Variants in TG observed in about 807,000 individuals in gnomAD.
TG encodes thyroglobulin.
A neutral mutation model predicts 324.7 loss-of-function variants in TG; 270 were observed. The observed-to-expected ratio is 0.83, with a 90% CI of 0.75 to 0.92. The LOEUF is 0.92. Among genes scored for constraint, TG ranks in the 40% least tolerant of loss-of-function variants. The probability of loss-of-function intolerance (pLI) is 0.00; values close to 1 mark genes in which losing one functional copy is unlikely to be tolerated. For missense variants in TG, 3,591 were observed against 3,456.4 expected, an observed-to-expected ratio of 1.04 and a Z score of -0.98; for synonymous variants, 1,401 against 1,327.0, an observed-to-expected ratio of 1.06 and a Z score of -1.21.
At position 133,022,127 on chromosome 8, in the gene TG, G is replaced by A; in HGVS notation, c.7013G>A (p.Gly2338Asp). The A allele has an allele frequency of 6.2e-7, 1 of 1,614,164 alleles. No individual in the cohort carries two copies. Among genetic ancestry groups the A allele is most frequent in the Non-Finnish European group, 8.5e-7 (1 of 1,180,036 alleles). The change falls in exon 40 of 48, where the codon GGT becomes GAT. Residue 2338 changes from glycine (G) to aspartate (D), a missense_variant. By Grantham distance (94) the Gly-to-Asp change is moderately conservative. Coordinates refer to ENST00000220616, the MANE Select transcript of TG (RefSeq NM_003235.5). Reference sequence around the variant, plus strand: ...GTGGTCACTGCCAGCTACCGAGTGGGTGTCTTCGGCTTCCTGAGTTCTGGT... The same window carrying A: ...GTGGTCACTGCCAGCTACCGAGTGGATGTCTTCGGCTTCCTGAGTTCTGGT... ...LIVVTASYRV[G>D]VFGFLSSGSG...
At chr8:133,007,489 A>G (rs1834123305) in intron 35 of TG, among the ~76,000 whole-genome samples, 1 of 152,148 alleles carries the variant, frequency 6.6e-6, no homozygotes, top group Non-Finnish European at 1.5e-5. Context: ...AACAAAAACT[A>G]GAATTAGACC....
chr8:133,024,278 G>A (rs1587790791), intron 40 of TG, among the ~76,000 whole-genome samples: 1 of 151,906 alleles, frequency 6.6e-6, no homozygotes, highest in South Asian at 2.1e-4. Flanking sequence ...AACAGTGTCT[G>A]TCTTTTGCAT....
chr8:133,046,751 T>G (rs1839488860), intron 41 of TG, among the ~76,000 whole-genome samples: 1 of 151,692 alleles, frequency 6.6e-6, no homozygotes, highest in African/African-American at 2.4e-5. Flanking sequence ...TTTGCATTGA[T>G]CTTTCTGTAC....
chr8:133,065,154 A>G (rs1261629507), intron 41 of TG, among the ~76,000 whole-genome samples: 2 of 152,202 alleles, frequency 1.3e-5, no homozygotes, highest in Non-Finnish European at 2.9e-5. Flanking sequence ...TGTGAATGCC[A>G]ACAACAACGG....
At chr8:133,030,778 C>A (rs1436142947) in intron 41 of TG, among the ~76,000 whole-genome samples, 1 of 152,212 alleles carries the variant, frequency 6.6e-6, no homozygotes, top group Non-Finnish European at 1.5e-5. Context: ...TCAGCACATC[C>A]CTTGAGGGGA....
chr8:133,019,753 T>C, intron 39 of TG, 58 bp downstream of exon 39: 2 of 1,423,340 alleles, frequency 1.4e-6, no homozygotes, highest in African/African-American at 1.4e-5. Flanking sequence ...AGAAATCCAC[T>C]GTCCCCACTG....
At chr8:132,872,457 G>A (rs7841083) in intron 4 of TG, among the ~76,000 whole-genome samples, 9,374 of 143,936 alleles carry the variant, frequency 0.065, 409 homozygotes, top group Middle Eastern at 0.12. Flanking sequence ...CAGCCTGGGC[G>A]GCAGAGCAAG....
intron 34 of TG, among the ~76,000 whole-genome samples, chr8:132,976,709 G>A (rs1481791788): frequency 6.6e-6 from 1 of 152,170 alleles, no homozygotes; most frequent in Non-Finnish European, 1.5e-5. Context: ...GGATGCACAT[G>A]GCTTATGGGC....
intron 30 of TG, 135 bp from the exon 31 acceptor site, chr8:132,967,659 C>T: frequency 2.0e-6 from 2 of 977,156 alleles, no homozygotes; most frequent in South Asian, 2.9e-5. Context: ...ACTGGATGAT[C>T]ATGACAGTCT....
At chr8:133,130,169 T>G (rs777019475) in intron 45 of TG, among the ~76,000 whole-genome samples, 5 of 152,228 alleles carry the variant, frequency 3.3e-5, no homozygotes, top group Non-Finnish European at 7.3e-5. Context: ...GATTGCACAC[T>G]AGTCAGTGAC....
At chr8:133,103,029 A>G in intron 43 of TG, 1 of 177,370 alleles carries the variant, frequency 5.6e-6, no homozygotes, top group South Asian at 1.1e-4. Context: ...TAAGAGGAGT[A>G]TGCAGGAGTT....
intron 27 of TG, among the ~76,000 whole-genome samples, chr8:132,953,529 A>G (rs1189650619): frequency 2.0e-5 from 3 of 152,218 alleles, no homozygotes; most frequent in African/African-American, 7.2e-5. Flanking sequence ...GTTTGGTAAA[A>G]GCTTCATTCA....
At chr8:132,885,132 G>C (rs530487151) in intron 8 of TG, among the ~76,000 whole-genome samples, 1 of 150,500 alleles carries the variant, frequency 6.6e-6, no homozygotes, top group South Asian at 2.1e-4. Context: ...TAAAAGTTGG[G>C]GGGGGGGCGT....
At chr8:132,972,773 C>T (rs756621454) in intron 34 of TG, 32 bp downstream of exon 34, 34 of 1,613,392 alleles carry the variant, frequency 2.1e-5, no homozygotes, top group African/African-American at 6.7e-5. Context: ...GCTATATGGA[C>T]GTCTTTAGTT....
At chr8:133,030,666 G>C (rs574036849) in intron 41 of TG, among the ~76,000 whole-genome samples, 1 of 152,216 alleles carries the variant, frequency 6.6e-6, no homozygotes, top group African/African-American at 2.4e-5. Flanking sequence ...GTCATTACTG[G>C]GGGTTGAGGG....
At chr8:133,033,695 C>G (rs1836837558) in intron 41 of TG, among the ~76,000 whole-genome samples, 1 of 152,178 alleles carries the variant, frequency 6.6e-6, no homozygotes, top group Non-Finnish European at 1.5e-5. Context: ...TCAGCATATC[C>G]AGTATCCACC....
In TG at chr8:132,933,642, C is replaced by T; in HGVS notation, c.4898C>T (p.Thr1633Ile). 2.5e-6 allele frequency: 4 copies of T among 1,614,132 alleles called. No homozygotes were observed. Among genetic ancestry groups the T allele is most frequent in the Non-Finnish European group, 3.4e-6 (4 of 1,180,024 alleles). ...ATTTCCTGTGATTTCTATGCTTGGA[C>T]AAGTGACAATGTTGCCTGCATGACT... ...PEISCDFYAW[T>I]SDNVACMTSD... The change falls in exon 24 of 48, where the codon ACA becomes ATA. Residue 1633 changes from threonine to isoleucine, a missense_variant. Transcript: ENST00000220616.
At chr8:133,125,078 A>T (rs1440900806) in intron 45 of TG, among the ~76,000 whole-genome samples, 2 of 152,228 alleles carry the variant, frequency 1.3e-5, no homozygotes, top group African/African-American at 4.8e-5. Flanking sequence ...TGCACTATAT[A>T]TCTTCTTCAA....
intron 35 of TG, among the ~76,000 whole-genome samples, chr8:133,003,987 G>A (rs1052099745): frequency 1.5e-4 from 23 of 152,358 alleles, no homozygotes; most frequent in African/African-American, 5.5e-4. Context: ...AGTACCATTA[G>A]ATGGAACCAG....
Sources: gnomAD v4.1 joint callset for allele counts (sites outside exome capture counted in the v4.1 genomes callset) on GRCh38, gnomAD v4.1.1 for gene constraint, MANE v1.5 for transcripts, NCBI Gene and HGNC (gene_info 2026-07-23, HGNC 2026-07-21) for gene names.